Variants in ROBO1 observed in about 807,000 individuals in gnomAD.
ROBO1 encodes roundabout homolog 1.
In ROBO1, 149 loss-of-function variants were observed where a neutral mutation model predicts 195.9. The ratio of observed to expected loss-of-function variants is 0.76; its 90% CI spans 0.67 to 0.87. The LOEUF (loss-of-function observed/expected upper bound fraction) is 0.87, where lower values mean the gene tolerates loss of function less well. ROBO1 is among the 40% of genes least tolerant of loss of function. ROBO1 has a pLI of 0.00. For synonymous variants in ROBO1, 816 were observed against 733.2 expected (o/e 1.11, Z -1.82); for missense variants, 1,933 against 2,068.3 (o/e 0.93, Z 1.27).
chr3:79,338,940 C>T lies in ROBO1; in HGVS notation c.89-213401G>A, dbSNP rs1465708874. Among the ~76,000 whole-genome samples, 14 of 152,086 alleles carry T rather than the reference C, an allele frequency of 9.2e-5. No homozygotes were observed. The East Asian group carries it at 2.7e-3, about 29-fold the overall frequency. ...AAAAAATCAAACTTTGATTTTACAT[C>T]CCTCCAGCCTTTCTCTTTTCAATTA... On this transcript the variant is annotated intron_variant, in intron 2 of 30. Coordinates refer to ENST00000464233, the MANE Select transcript of ROBO1 (RefSeq NM_002941.4).
intron 4 of ROBO1, among the ~76,000 whole-genome samples, chr3:78,917,099 G>T (rs866768276): frequency 1.8e-4 from 23 of 127,320 alleles, no homozygotes; most frequent in East Asian, 6.9e-4. Flanking sequence ...TTTGTTTTTC[G>T]TTTTTTTTTT....
intron 1 of ROBO1, among the ~76,000 whole-genome samples, chr3:79,598,535 T>C (rs945061477): frequency 1.3e-5 from 2 of 151,946 alleles, no homozygotes; most frequent in Non-Finnish European, 2.9e-5. Flanking sequence ...TCCTATTCTG[T>C]GTACTTTATT....
intron 2 of ROBO1, among the ~76,000 whole-genome samples, chr3:79,417,901 G>A (rs1238402533): frequency 2.0e-5 from 3 of 152,058 alleles, no homozygotes; most frequent in African/African-American, 7.2e-5. Context: ...AGGTGGCTAT[G>A]CGTGTTTAAG....
rs12053934 is a variant in ROBO1, at chr3:79,709,185, C to A, written c.-51+58567G>T. 2.6e-4 allele frequency among the ~76,000 whole-genome samples: 40 copies of A among 152,164 alleles called. 1 individual carries two copies. The East Asian group carries it at 7.2e-3, about 27-fold the overall frequency. ...ACATTCATGACTGATATTTAAGAAC[C>A]AGTGTCTCCTGTCAATATGTATCCT... is the stretch of plus-strand genomic sequence containing the variant. On this transcript the variant is annotated intron_variant, in intron 1 of 30. Transcript: ENST00000464233.
chr3:79,318,096 C>T (rs1439396965), intron 2 of ROBO1, among the ~76,000 whole-genome samples: 1 of 152,132 alleles, frequency 6.6e-6, no homozygotes, highest in Non-Finnish European at 1.5e-5. Context: ...CAGTCTTTTG[C>T]TCTAACCAGG....
chr3:78,809,863 A>T (rs2084678618), intron 4 of ROBO1, among the ~76,000 whole-genome samples: 1 of 152,136 alleles, frequency 6.6e-6, no homozygotes, highest in Non-Finnish European at 1.5e-5. Flanking sequence ...GGGGAGGGAT[A>T]GCATTAGGAG....
chr3:78,693,068 A>C, intron 8 of ROBO1: 1 of 365,728 alleles, frequency 2.7e-6, no homozygotes, highest in Non-Finnish European at 4.9e-6. Context: ...ATGTAATCCT[A>C]TCACTTATTT....
intron 3 of ROBO1, among the ~76,000 whole-genome samples, chr3:78,943,084 C>T (rs1368385860): frequency 6.6e-6 from 1 of 151,910 alleles, no homozygotes; most frequent in Non-Finnish European, 1.5e-5. Context: ...GGCGTGGTGG[C>T]AGGCGCCTGT....
intron 12 of ROBO1, 43 bp from the exon 13 acceptor site, chr3:78,668,345 T>C: frequency 6.2e-7 from 1 of 1,608,238 alleles, no homozygotes; most frequent in Non-Finnish European, 8.5e-7. Flanking sequence ...TGTTTACACA[T>C]ACACAGATAA....
At chr3:79,724,360 A>G (rs905387475) in intron 1 of ROBO1, among the ~76,000 whole-genome samples, 14 of 152,332 alleles carry the variant, frequency 9.2e-5, no homozygotes, top group African/African-American at 3.4e-4. Flanking sequence ...ACGTTTCTCA[A>G]TACCACTGAT....
At chr3:79,323,780 A>G (rs1477020631) in intron 2 of ROBO1, among the ~76,000 whole-genome samples, 1 of 152,220 alleles carries the variant, frequency 6.6e-6, no homozygotes, top group Non-Finnish European at 1.5e-5. Context: ...CCATTAGGAA[A>G]GCCCAGGTGT....
chr3:78,628,975 A>C (rs1705000662), intron 25 of ROBO1, among the ~76,000 whole-genome samples: 1 of 152,194 alleles, frequency 6.6e-6, no homozygotes, highest in South Asian at 2.1e-4. Flanking sequence ...CATGCTGGCT[A>C]TTCATGTGCT....
At chr3:78,676,243 A>C (rs1304237974) in intron 10 of ROBO1, among the ~76,000 whole-genome samples, 2 of 152,186 alleles carry the variant, frequency 1.3e-5, no homozygotes, top group Admixed American at 6.5e-5. Flanking sequence ...GAGCAGAAAA[A>C]CTGGAAACTC....
chr3:79,627,711 G>T (rs1173090966), intron 1 of ROBO1, among the ~76,000 whole-genome samples: 1 of 152,050 alleles, frequency 6.6e-6, no homozygotes, highest in Admixed American at 6.6e-5. Context: ...GAGTGAACAG[G>T]CAACCTACAG....
chr3:78,853,831 G>A (rs975468515), intron 4 of ROBO1, among the ~76,000 whole-genome samples: 4 of 152,102 alleles, frequency 2.6e-5, no homozygotes, highest in Admixed American at 2.6e-4. Context: ...ATCTTATGTG[G>A]TGGCAGGTAA....
chr3:79,117,682 TA>T (rs2080033071), intron 3 of ROBO1, among the ~76,000 whole-genome samples: 1 of 152,202 alleles, frequency 6.6e-6, no homozygotes, highest in South Asian at 2.1e-4. Flanking sequence ...TGTAGCTGAC[TA>T]AATAGTTTCT....
intron 1 of ROBO1, among the ~76,000 whole-genome samples, chr3:79,605,246 C>CTTTT (rs10659867): frequency 6.8e-5 from 10 of 147,940 alleles, no homozygotes; most frequent in African/African-American, 2.3e-4. Context: ...TTCCGTATTA[C>CTTTT]TTTTTTTTTT....
In ROBO1 at chr3:78,597,392, G is replaced by A. The variant is rs560948405; in HGVS notation, c.*1521C>T. The A allele has an allele frequency of 3.3e-5, 5 of 152,548 alleles. No homozygotes were observed. The highest frequency in any genetic ancestry group is 2.1e-4 in the South Asian group (1 of 4,824). 9.4% of individuals were successfully genotyped at this position (152,548 alleles called of 1,614,324 possible). On this transcript the variant is annotated 3_prime_UTR_variant, in exon 31 of 31. Transcript: ENST00000464233. ...ATGGATTGTTCCCTTAGTACTGCACGCCTTTTCTATGGAACTTTTTCAAAT... is the reference window on the plus strand; with the variant it reads ...ATGGATTGTTCCCTTAGTACTGCACACCTTTTCTATGGAACTTTTTCAAAT...
chr3:79,371,114 C>T (rs572708950), intron 2 of ROBO1, among the ~76,000 whole-genome samples: 7 of 152,192 alleles, frequency 4.6e-5, no homozygotes, highest in Non-Finnish European at 1.0e-4. Context: ...GGTTCCACGT[C>T]TTTGCTATAG....
Sources: allele counts gnomAD v4.1 joint callset (sites outside exome capture counted in the v4.1 genomes callset), GRCh38; gene constraint gnomAD v4.1.1; transcripts MANE v1.5; gene names NCBI Gene and HGNC (gene_info 2026-07-23, HGNC 2026-07-21).